The following GEMIN8 variants were observed in gnomAD, a reference collection of about 807,000 sequenced individuals.
GEMIN8 encodes the protein gem-associated protein 8.
For missense variants in GEMIN8, 185 were observed against 205.9 expected (o/e 0.90, Z 0.62); for synonymous variants, 80 against 78.5 (o/e 1.02, Z -0.10).
At chrX:14,022,094 T>A (rs1035568662) in intron 2 of GEMIN8, among the ~76,000 whole-genome samples, 4 of 103,503 alleles carry the variant, frequency 3.9e-5, no homozygotes, top group African/African-American at 1.4e-4. Flanking sequence ...ACACACACAA[T>A]ATACAAAACA....
chrX:14,000,605 A>G, the GEMIN8 span, among the ~76,000 whole-genome samples: 1 of 110,847 alleles, frequency 9.0e-6, no homozygotes, highest in Non-Finnish European at 1.9e-5. Flanking sequence ...TTGAAAAAAA[A>G]AAAATTTAAA....
downstream of GEMIN8, among the ~76,000 whole-genome samples, chrX:14,005,295 C>T (rs1239200838): frequency 9.0e-6 from 1 of 111,150 alleles, no homozygotes; most frequent in Non-Finnish European, 1.9e-5. Context: ...CACCCCCTAA[C>T]CTCCAGGGAA....
At chrX:14,015,247 C>T (rs1346318147) in intron 4 of GEMIN8, among the ~76,000 whole-genome samples, 2 of 111,986 alleles carry the variant, frequency 1.8e-5, no homozygotes, top group Non-Finnish European at 3.8e-5. Flanking sequence ...CTTGCAGTCT[C>T]GACCAGTGGT....
the GEMIN8 span, among the ~76,000 whole-genome samples, chrX:13,990,340 C>T: frequency 8.9e-6 from 1 of 112,863 alleles, no homozygotes. Context: ...GCAACTGCAG[C>T]TGAGTCATGC....
downstream of GEMIN8, among the ~76,000 whole-genome samples, chrX:14,002,097 CAAAAAAAAAAAA>C (rs59550732): frequency 6.5e-3 from 153 of 23,642 alleles, 1 homozygote; most frequent in African/African-American, 0.025. Flanking sequence ...TGCACTCCAG[CAAAAAAAAAAAA>C]AAAAAAAAAA....
At chrX:13,984,522 C>G in the GEMIN8 span, among the ~76,000 whole-genome samples, 9 of 112,040 alleles carry the variant, frequency 8.0e-5, no homozygotes, top group African/African-American at 2.9e-4. Context: ...TTTCACATTG[C>G]AATGCTAGAG....
At chrX:14,021,830 A>G (rs1251016544) in intron 2 of GEMIN8, among the ~76,000 whole-genome samples, 9 of 50,386 alleles carry the variant, frequency 1.8e-4, no homozygotes, top group African/African-American at 5.2e-4. Context: ...ATATATATAT[A>G]TATATATATA....
the GEMIN8 span, among the ~76,000 whole-genome samples, chrX:13,996,907 T>C: frequency 9.4e-6 from 1 of 106,239 alleles, no homozygotes. Context: ...CAGAGGCTTA[T>C]AAAACGCTTG....
intron 4 of GEMIN8, 114 bp from the exon 5 acceptor site, chrX:14,009,283 C>T (rs761436161): frequency 6.9e-6 from 5 of 726,209 alleles, no homozygotes; most frequent in Middle Eastern, 3.4e-4. Flanking sequence ...CCTAAGGTCC[C>T]TCATCTTTCC....
chrX:13,999,556 G>C, the GEMIN8 span, among the ~76,000 whole-genome samples: 1 of 111,676 alleles, frequency 9.0e-6, no homozygotes, highest in African/African-American at 3.3e-5. Flanking sequence ...GATTACAGGC[G>C]TGAGCCACTG....
At chrX:14,017,597 G>A (rs1383590478) in intron 4 of GEMIN8, among the ~76,000 whole-genome samples, 1 of 112,174 alleles carries the variant, frequency 8.9e-6, no homozygotes, top group East Asian at 2.8e-4. Flanking sequence ...TGCAATCGAG[G>A]TGTTGGCAGG....
rs779041401 is a variant in GEMIN8, at chrX:14,020,115, C to T, written c.435G>A (p.Gln145=). The change falls in exon 4 of 5, where the codon CAG becomes CAA. Residue 145 remains glutamine, a synonymous_variant. Transcript: ENST00000680255. Reference sequence around the variant, plus strand: ...TATGCCTCTCGGTCTCTGCAAAGTACTGGCGGAGCTCTTCAGTGATTTCCA... The same window carrying T: ...TATGCCTCTCGGTCTCTGCAAAGTATTGGCGGAGCTCTTCAGTGATTTCCA... The part of the protein sequence containing the change: ...SNMEITEELR[Q]YFAETERHRE... The T allele has an allele frequency of 6.6e-5, 79 of 1,205,966 alleles. No homozygotes were observed. The highest frequency in any genetic ancestry group is 1.1e-4 in the Admixed American group (5 of 45,772).
chrX:14,015,926 G>T (rs1923869028), intron 4 of GEMIN8, among the ~76,000 whole-genome samples: 1 of 112,030 alleles, frequency 8.9e-6, no homozygotes, highest in African/African-American at 3.2e-5. Context: ...TGAAGGTAAT[G>T]AATTGGAAAG....
At chrX:13,987,429 G>C in the GEMIN8 span, among the ~76,000 whole-genome samples, 1 of 111,478 alleles carries the variant, frequency 9.0e-6, no homozygotes, top group East Asian at 2.8e-4. Context: ...AGGGATCTGG[G>C]CTTTGGGTCC....
At chrX:14,022,539 A>T (rs1233898843) in intron 2 of GEMIN8, among the ~76,000 whole-genome samples, 1 of 111,965 alleles carries the variant, frequency 8.9e-6, no homozygotes, top group African/African-American at 3.3e-5. Flanking sequence ...TCGATGCATG[A>T]AATACCCAAA....
chrX:14,000,466 G>A, the GEMIN8 span, among the ~76,000 whole-genome samples: 2 of 109,779 alleles, frequency 1.8e-5, no homozygotes, highest in African/African-American at 3.3e-5. Flanking sequence ...GCGTGGTGGC[G>A]GGCGCCTGTA....
chrX:14,028,667 A>T (rs1314268357), intron 1 of GEMIN8, among the ~76,000 whole-genome samples: 2 of 111,919 alleles, frequency 1.8e-5, no homozygotes, highest in Non-Finnish European at 3.8e-5. Flanking sequence ...ACAGTTTCAG[A>T]ATGAACATTT....
chrX:14,004,785 A>G (rs371178853), downstream of GEMIN8, among the ~76,000 whole-genome samples: 9 of 110,929 alleles, frequency 8.1e-5, no homozygotes, highest in East Asian at 8.5e-4. Context: ...CTGGTCTCGA[A>G]CTCCTGGCCT....
downstream of GEMIN8, among the ~76,000 whole-genome samples, chrX:14,004,352 TTA>T (rs754368733): frequency 7.8e-4 from 88 of 112,370 alleles, no homozygotes; most frequent in African/African-American, 2.7e-3. Context: ...TTTGCTATTA[TTA>T]TGTGGCAGTG....
Sources: allele counts gnomAD v4.1 joint callset (sites outside exome capture counted in the v4.1 genomes callset), GRCh38; gene constraint gnomAD v4.1.1; transcripts MANE v1.5; gene names NCBI Gene and HGNC (gene_info 2026-07-23, HGNC 2026-07-21).